The following CYGB variants were observed in gnomAD, a reference collection of about 807,000 sequenced individuals.
The protein encoded by CYGB is histoglobin.
Under a neutral mutation model 20.7 loss-of-function variants are expected in CYGB, and 13 were observed. That is an observed-to-expected ratio of 0.63 (90% confidence interval 0.41 to 1.00). The LOEUF (loss-of-function observed/expected upper bound fraction) is 1.00. CYGB is among the 50% of genes least tolerant of loss of function. CYGB has a pLI of 0.00. For synonymous variants in CYGB, 93 were observed against 107.4 expected (o/e 0.87, Z 0.83); for missense variants, 218 against 257.2 (o/e 0.85, Z 1.04).
chr17:76,537,296 C>CT, intron 1 of CYGB, 104 bp downstream of exon 1: 1 of 1,298,590 alleles, frequency 7.7e-7, no homozygotes. Flanking sequence ...CCATTCGCGG[C>CT]TGGGGAGGTG....
upstream of CYGB, among the ~76,000 whole-genome samples, chr17:76,541,420 G>T (rs1364193244): frequency 6.6e-6 from 1 of 152,204 alleles, no homozygotes; most frequent in Non-Finnish European, 1.5e-5. Flanking sequence ...GAAGACTCAG[G>T]TGGCGGGTAC....
At position 76,528,927 on chromosome 17, in the gene CYGB, C is replaced by A. The variant is rs2074798430; in HGVS notation, c.540-316G>T. 1 of 1,153,910 alleles carries A rather than the reference C, an allele frequency of 8.7e-7. No individual in the cohort carries two copies. The highest frequency in any genetic ancestry group is 1.6e-5 in the African/African-American group (1 of 62,732). 71.5% of individuals were successfully genotyped at this position (1,153,910 alleles called of 1,614,324 possible). On this transcript the variant is annotated intron_variant, in intron 3 of 3. Coordinates refer to ENST00000293230, the MANE Select transcript of CYGB (RefSeq NM_134268.5). This position sits in a 1 kb window ranked among gnomAD's most constrained non-coding sequence, Gnocchi z 5.8. ...GCAAAGCACGATACCAATGTGAGCTCTTTTTCCATTAATTCTGAAACGTGG... is the reference window on the plus strand; with the variant it reads ...GCAAAGCACGATACCAATGTGAGCTATTTTTCCATTAATTCTGAAACGTGG...
chr17:76,544,103 A>G (rs1461102657), intron 1 of CYGB: 1 of 454,490 alleles, frequency 2.2e-6, no homozygotes, highest in Non-Finnish European at 4.4e-6. Context: ...GAGCAGAGAT[A>G]AAAGCAGATT....
Position 76,527,444 on chromosome 17 carries a change from T to A in CYGB, c.*1134A>T. The A allele has an allele frequency of 5.4e-6, 2 of 371,144 alleles. No individual in the cohort carries two copies. Among genetic ancestry groups the A allele is most frequent in the East Asian group, 1.5e-4 (2 of 13,646 alleles). The allele number at this position is 371,144 out of a possible 1,614,324, so 23.0% of individuals were successfully genotyped here. ...AAAGGAGGACGGGCGGTTGCACAGA[T>A]GAGGATGAGGATGAAGATGAGGATG... On this transcript the variant is annotated 3_prime_UTR_variant, in exon 4 of 4. Coordinates refer to ENST00000293230, the MANE Select transcript of CYGB (RefSeq NM_134268.5).
chr17:76,531,742 C>T lies in CYGB; in HGVS notation c.144-51G>A. On this transcript the variant is annotated intron_variant, in intron 1 of 3. Transcript: ENST00000293230. The surrounding 1 kb of genome is among the most constrained non-coding windows in gnomAD (Gnocchi z 7.4). ...CTGAAGCTGGAGGCTGCCTCGGGCCCACCCTGAAGCTTCCAGGATAGTGGG... is the reference window on the plus strand; with the variant it reads ...CTGAAGCTGGAGGCTGCCTCGGGCCTACCCTGAAGCTTCCAGGATAGTGGG... 1 of 1,478,700 alleles carries T rather than the reference C, an allele frequency of 6.8e-7. No individual in the cohort carries two copies. The highest frequency in any genetic ancestry group is 9.2e-7 in the Non-Finnish European group (1 of 1,082,020). The allele number at this position is 1,478,700 out of a possible 1,614,324, so 91.6% of individuals were successfully genotyped here.
At chr17:76,540,823 C>T (rs1031434855), upstream of CYGB, among the ~76,000 whole-genome samples, 1 of 152,228 alleles carries the variant, frequency 6.6e-6, no homozygotes, top group Non-Finnish European at 1.5e-5. The surrounding 1 kb of genome is among the most constrained non-coding windows in gnomAD (Gnocchi z 5.0). Context: ...CAGCACGGGG[C>T]GGTCCCCCGG....
Position 76,530,432 on chromosome 17 carries a change from G to A in CYGB, c.539+547C>T, listed in dbSNP as rs2074822704. On this transcript the variant is annotated intron_variant, in intron 3 of 3. Transcript: ENST00000293230. The surrounding 1 kb of genome is among the most constrained non-coding windows in gnomAD (Gnocchi z 6.1). ...CCTGGAAGTAAACATGCCCCTGCTC[G>A]TGTGCGTGTGAGCGACACCCATGTA... Among the ~76,000 whole-genome samples the A allele has an allele frequency of 6.6e-6, 1 of 152,192 alleles. No homozygotes were observed. The highest frequency in any genetic ancestry group is 2.4e-5 in the African/African-American group (1 of 41,452).
chr17:76,544,086 T>C, intron 1 of CYGB: 1 of 454,656 alleles, frequency 2.2e-6, no homozygotes, highest in South Asian at 1.6e-5. Flanking sequence ...CAATCCTGCA[T>C]GATCCTGAGC....
intron 1 of CYGB, among the ~76,000 whole-genome samples, chr17:76,548,990 A>G (rs1486635032): frequency 6.6e-6 from 1 of 152,240 alleles, no homozygotes; most frequent in East Asian, 1.9e-4. Flanking sequence ...TCAGAGGTCA[A>G]GACAGTGTGA....
At chr17:76,529,917 G>A in intron 3 of CYGB, 1 of 985,346 alleles carries the variant, frequency 1.0e-6, no homozygotes, top group Non-Finnish European at 1.2e-6. Flanking sequence ...GGGAGAGGGG[G>A]GAGGGGAGCA....
At chr17:76,537,269 C>A (rs2074927347) in intron 1 of CYGB, 131 bp downstream of exon 1, 14 of 1,107,920 alleles carry the variant, frequency 1.3e-5, no homozygotes, top group Non-Finnish European at 1.5e-5. Context: ...GCCTGCTCCG[C>A]CGACCTCGGA....
intron 1 of CYGB, among the ~76,000 whole-genome samples, chr17:76,548,361 T>TA (rs1472664987): frequency 6.6e-6 from 1 of 152,116 alleles, no homozygotes; most frequent in Non-Finnish European, 1.5e-5. Flanking sequence ...AGCATTAAAA[T>TA]AAATTAATGT....
chr17:76,530,886 CAGCCCCAG>C lies in CYGB; in HGVS notation c.539+85_539+92del. 1 of 1,376,556 alleles carries C rather than the reference CAGCCCCAG, an allele frequency of 7.3e-7. No homozygotes were observed. 85.3% of individuals were successfully genotyped at this position (1,376,556 alleles called of 1,614,324 possible). A position where few individuals can be genotyped will look rare whatever the true frequency, so the allele number is the denominator to read the frequency against. ...CCTCAAGTGTGCCTGCCCAGGTGAT[CAGCCCCAG>C]GGCCTCAGGAGATATGGGAGACCTC... On this transcript the variant is annotated intron_variant, in intron 3 of 3. Transcript: ENST00000293230. The surrounding 1 kb of genome is among the most constrained non-coding windows in gnomAD (Gnocchi z 6.1).
At chr17:76,537,314 A>C in intron 1 of CYGB, 86 bp downstream of exon 1, 2 of 1,374,116 alleles carry the variant, frequency 1.5e-6, no homozygotes. Context: ...GTGGCGCTGG[A>C]GCTCGGACCC....
chr17:76,548,791 CCTT>C (rs1174371849), intron 1 of CYGB, among the ~76,000 whole-genome samples: 1 of 152,194 alleles, frequency 6.6e-6, no homozygotes, highest in Non-Finnish European at 1.5e-5. Context: ...CGGATTAAGA[CCTT>C]CTGCCACAAA....
intron 1 of CYGB, chr17:76,544,711 C>A (rs552803584): frequency 4.4e-6 from 2 of 456,796 alleles, no homozygotes; most frequent in Non-Finnish European, 8.8e-6. Flanking sequence ...GCACTGTTCC[C>A]GGGACCCAGT....
Position 76,531,364 on chromosome 17 carries a change from C to T in CYGB, c.375+96G>A, listed in dbSNP as rs2074839843. 2 of 1,449,522 alleles carry T rather than the reference C, an allele frequency of 1.4e-6. No homozygotes were observed. The highest frequency in any genetic ancestry group is 4.7e-5 in the East Asian group (2 of 42,464). The allele number at this position is 1,449,522 out of a possible 1,614,324, so 89.8% of individuals were successfully genotyped here. A position where few individuals can be genotyped will look rare whatever the true frequency, so the allele number is the denominator to read the frequency against. On this transcript the variant is annotated intron_variant, in intron 2 of 3. Transcript: ENST00000293230. This position sits in a 1 kb window ranked among gnomAD's most constrained non-coding sequence, Gnocchi z 7.4. ...CCTCTCGCAGCCACTCCGGGGATCACCTCTGTTGCTCCAGAGAGCCGTCGC... is the reference window on the plus strand; with the variant it reads ...CCTCTCGCAGCCACTCCGGGGATCATCTCTGTTGCTCCAGAGAGCCGTCGC...
In CYGB at chr17:76,546,397, CA is replaced by C. The variant is rs1462081775; in HGVS notation, c.-53+4464del. ...CACTGTCACCCTGGGGTGTAGATGT[CA>C]CCTTGGGGAGTACCCACCCATTCCA... On this transcript the variant is annotated intron_variant, in intron 1 of 3. Transcript: ENST00000589145. The surrounding 1 kb of genome is among the most constrained non-coding windows in gnomAD (Gnocchi z 4.5). 1 of 151,682 alleles carries C rather than the reference CA, an allele frequency of 6.6e-6. No individual in the cohort carries two copies. Among genetic ancestry groups the C allele is most frequent in the East Asian group, 1.9e-4 (1 of 5,136 alleles). The allele number at this position is 151,682 out of a possible 1,614,324, so 9.4% of individuals were successfully genotyped here. A position where few individuals can be genotyped will look rare whatever the true frequency, so the allele number is the denominator to read the frequency against.
At position 76,527,958 on chromosome 17, in the gene CYGB, C is replaced by A. The variant is rs113288887; in HGVS notation, c.*620G>T. On this transcript the variant is annotated 3_prime_UTR_variant, in exon 4 of 4. Coordinates refer to ENST00000293230, the MANE Select transcript of CYGB (RefSeq NM_134268.5). Reference sequence around the variant, plus strand: ...TTGCCGCCAAGCCGGGTTGCCCCAGCCCTGCCCCTCCAGGCCCAGGTCCTC... The same window carrying A: ...TTGCCGCCAAGCCGGGTTGCCCCAGACCTGCCCCTCCAGGCCCAGGTCCTC... 1.9e-4 allele frequency: 71 copies of A among 378,314 alleles called. No homozygotes were observed. Among genetic ancestry groups the A allele is most frequent in the African/African-American group, 1.3e-3 (64 of 47,978 alleles). 23.4% of individuals were successfully genotyped at this position (378,314 alleles called of 1,614,324 possible). A position where few individuals can be genotyped will look rare whatever the true frequency, so the allele number is the denominator to read the frequency against.
Sources: gnomAD v4.1 joint callset for allele counts (sites outside exome capture counted in the v4.1 genomes callset) on GRCh38, gnomAD v4.1.1 for gene constraint, Gnocchi (gnomAD v3.1) non-coding constraint, MANE v1.5 for transcripts, NCBI Gene and HGNC (gene_info 2026-07-23, HGNC 2026-07-21) for gene names.